Variants in SOX6 observed in about 807,000 individuals in gnomAD.
The protein encoded by SOX6 is transcription factor SOX-6.
SOX6 carries 11 observed loss-of-function variants against 97.8 expected under a neutral mutation model. That is an observed-to-expected ratio of 0.11 (90% CI 0.07 to 0.19). The LOEUF is 0.19. SOX6 is among the 10% of genes least tolerant of loss of function. The pLI is 1.00. For synonymous variants in SOX6, 360 were observed against 371.4 expected, an observed-to-expected ratio of 0.97 and a Z score of 0.35; for missense variants, 810 against 1,039.5, an observed-to-expected ratio of 0.78 and a Z score of 3.04.
intron 4 of SOX6, among the ~76,000 whole-genome samples, chr11:16,196,722 T>C (rs1360789828): frequency 6.6e-6 from 1 of 152,152 alleles, no homozygotes; most frequent in East Asian, 1.9e-4. Flanking sequence ...TCTACCTTGA[T>C]TCCTAATTTT....
chr11:16,139,942 G>T (rs1850083595), intron 6 of SOX6, among the ~76,000 whole-genome samples: 1 of 136,196 alleles, frequency 7.3e-6, no homozygotes, highest in African/African-American at 2.8e-5. Context: ...AAAAAACCTG[G>T]CTCATATATT....
chr11:16,661,162 T>C (rs966410269), intron 3 of SOX6, among the ~76,000 whole-genome samples: 22 of 152,250 alleles, frequency 1.4e-4, no homozygotes, highest in African/African-American at 5.3e-4. Flanking sequence ...AGGATACTTA[T>C]GTCTTCTTAC....
At chr11:16,109,906 A>C (rs890047989) in intron 7 of SOX6, among the ~76,000 whole-genome samples, 1 of 152,138 alleles carries the variant, frequency 6.6e-6, no homozygotes, top group Non-Finnish European at 1.5e-5. Context: ...TGGCCAACAT[A>C]ATCAAATACA....
At chr11:16,165,173 G>A (rs976757037) in intron 6 of SOX6, among the ~76,000 whole-genome samples, 1 of 152,030 alleles carries the variant, frequency 6.6e-6, no homozygotes, top group South Asian at 2.1e-4. Context: ...TACTACCATC[G>A]CATTTAAGGG....
intron 6 of SOX6, among the ~76,000 whole-genome samples, chr11:16,123,776 A>G (rs1035855228): frequency 6.6e-6 from 1 of 152,090 alleles, no homozygotes; most frequent in African/African-American, 2.4e-5. Context: ...GATTTTTAAA[A>G]AGCAATTTAA....
At chr11:16,321,330 G>GA in intron 2 of SOX6, among the ~76,000 whole-genome samples, 1 of 151,546 alleles carries the variant, frequency 6.6e-6, no homozygotes, top group African/African-American at 2.4e-5. Context: ...GTAATATGTG[G>GA]AAGTGGTTAC....
At chr11:16,551,137 G>A (rs1202625146) in intron 4 of SOX6, among the ~76,000 whole-genome samples, 1 of 152,114 alleles carries the variant, frequency 6.6e-6, no homozygotes, top group Non-Finnish European at 1.5e-5. Context: ...CTTGAGCCTA[G>A]GAGTTTGAGA....
chr11:16,613,445 A>C lies in SOX6; in HGVS notation n.430-1185T>G, dbSNP rs1331943072. ...CGGCAACCAGAGCCTCTGTCTTGCC[A>C]GTTGCGCACTCTGAGACATCTCTCG... On this transcript the variant is annotated intron_variant and non_coding_transcript_variant, in intron 3 of 5. Coordinates refer to the SOX6 transcript ENST00000524520. This position sits in a 1 kb window ranked among gnomAD's most constrained non-coding sequence, Gnocchi z 4.6. 6.6e-6 allele frequency among the ~76,000 whole-genome samples: 1 copy of C among 152,084 alleles called. No individual in the cohort carries two copies. The highest frequency in any genetic ancestry group is 2.4e-5 in the African/African-American group (1 of 41,480).
chr11:16,056,072 G>C (rs1847808883), intron 9 of SOX6, among the ~76,000 whole-genome samples, 171 bp from the exon 10 acceptor site: 1 of 151,960 alleles, frequency 6.6e-6, no homozygotes, highest in South Asian at 2.1e-4. Context: ...GAAAGAAAAA[G>C]GACAGGTATG....
At chr11:16,279,785 A>T (rs1225419548) in intron 3 of SOX6, among the ~76,000 whole-genome samples, 1 of 152,110 alleles carries the variant, frequency 6.6e-6, no homozygotes, top group Non-Finnish European at 1.5e-5. Context: ...TTGAAAATCA[A>T]CTTTTTCTTA....
intron 13 of SOX6, among the ~76,000 whole-genome samples, chr11:16,007,146 T>C (rs1363722097): frequency 1.3e-5 from 2 of 152,108 alleles, no homozygotes; most frequent in Non-Finnish European, 2.9e-5. Flanking sequence ...AATTTTGTCA[T>C]TGTACAAACA....
chr11:16,104,753 T>C (rs1299417753), intron 7 of SOX6, among the ~76,000 whole-genome samples: 1 of 152,004 alleles, frequency 6.6e-6, no homozygotes, highest in Non-Finnish European at 1.5e-5. Context: ...CCTGAATAAT[T>C]ATGCAGTCAT....
At chr11:16,638,916 T>G (rs1004525541) in intron 3 of SOX6, among the ~76,000 whole-genome samples, 2 of 152,302 alleles carry the variant, frequency 1.3e-5, no homozygotes, top group South Asian at 2.1e-4. Context: ...AGAAGCTCTT[T>G]AGTTTAATTA....
chr11:16,086,871 G>A (rs1406649909), intron 9 of SOX6, among the ~76,000 whole-genome samples: 1 of 152,202 alleles, frequency 6.6e-6, no homozygotes, highest in Non-Finnish European at 1.5e-5. Context: ...TTCTGAGAAT[G>A]TCATACTGAC....
intron 2 of SOX6, among the ~76,000 whole-genome samples, chr11:16,328,695 G>A (rs1856183092): frequency 2.6e-5 from 4 of 151,984 alleles, no homozygotes; most frequent in Admixed American, 2.0e-4. Context: ...AAAACTACTT[G>A]CCAACTGTGC....
At chr11:16,222,018 G>A (rs780656340) in intron 4 of SOX6, among the ~76,000 whole-genome samples, 1 of 152,048 alleles carries the variant, frequency 6.6e-6, no homozygotes, top group Non-Finnish European at 1.5e-5. Context: ...ACAATAGCAC[G>A]AAAAGGTTGT....
In SOX6 at chr11:16,696,872, T is replaced by C. The variant is rs1185190349; in HGVS notation, n.429+17958A>G. Among the ~76,000 whole-genome samples, 4 of 152,222 alleles carry C rather than the reference T, an allele frequency of 2.6e-5. No individual in the cohort carries two copies. In the East Asian group the frequency reaches 7.7e-4, roughly 29 times the overall value. Reference sequence around the variant, plus strand: ...TCATGAAAGATTTCTTTGTAGCAAGTGATGCTATCTGATAGCATTTTAACC... The same window carrying C: ...TCATGAAAGATTTCTTTGTAGCAAGCGATGCTATCTGATAGCATTTTAACC... On this transcript the variant is annotated intron_variant and non_coding_transcript_variant, in intron 3 of 5. Transcript: ENST00000524520.
intron 13 of SOX6, among the ~76,000 whole-genome samples, chr11:15,995,936 A>C (rs1854209792): frequency 6.6e-6 from 1 of 152,214 alleles, no homozygotes; most frequent in African/African-American, 2.4e-5. Context: ...AGCATGAGTT[A>C]CCAGCAGACA....
intron 4 of SOX6, among the ~76,000 whole-genome samples, chr11:16,519,485 C>T (rs554523335): frequency 6.6e-6 from 1 of 152,132 alleles, no homozygotes; most frequent in South Asian, 2.1e-4. Context: ...AGCATAATGG[C>T]TTCCATCTAG....
Sources: allele counts gnomAD v4.1 joint callset (sites outside exome capture counted in the v4.1 genomes callset), GRCh38; gene constraint gnomAD v4.1.1; non-coding constraint Gnocchi (gnomAD v3.1); transcripts MANE v1.5; gene names NCBI Gene and HGNC (gene_info 2026-07-23, HGNC 2026-07-21).